THSD7A: variants seen among roughly 807,000 people sequenced by gnomAD.
THSD7A encodes thrombospondin type-1 domain-containing protein 7A.
Under a neutral mutation model 231.3 loss-of-function variants are expected in THSD7A, and 96 were observed. The observed-to-expected ratio is 0.41, with a 90% CI of 0.35 to 0.49. The LOEUF is 0.49. Among genes scored for constraint, THSD7A ranks in the 20% least tolerant of loss-of-function variants. The pLI is 0.05. For synonymous variants in THSD7A, 940 were observed against 743.3 expected (o/e 1.26, Z -4.30); for missense variants, 2,290 against 2,070.2 (o/e 1.11, Z -2.06).
chr7:11,567,635 C>CATCTG (rs1488554452), intron 4 of THSD7A, among the ~76,000 whole-genome samples: 1 of 152,186 alleles, frequency 6.6e-6, no homozygotes, highest in African/African-American at 2.4e-5. Context: ...CTCACCCTGA[C>CATCTG]ATCTGATTTA....
intron 6 of THSD7A, among the ~76,000 whole-genome samples, chr7:11,525,381 T>C (rs10276945): frequency 0.26 from 39,616 of 151,990 alleles, 6,430 homozygotes; most frequent in African/African-American, 0.46. Context: ...AGATCAGTTT[T>C]TTAAATTAAG....
At chr7:11,570,020 A>T (rs983091418) in intron 4 of THSD7A, among the ~76,000 whole-genome samples, 1 of 152,040 alleles carries the variant, frequency 6.6e-6, no homozygotes, top group Non-Finnish European at 1.5e-5. Context: ...AAAAGTACAA[A>T]AATTAACTAG....
chr7:11,545,281 C>T (rs192247039), intron 4 of THSD7A, among the ~76,000 whole-genome samples: 2 of 151,916 alleles, frequency 1.3e-5, no homozygotes, highest in East Asian at 3.9e-4. Context: ...AATCTTGGTG[C>T]TACTATATTG....
chr7:11,675,680 G>A (rs529138840), intron 1 of THSD7A, among the ~76,000 whole-genome samples: 31 of 152,152 alleles, frequency 2.0e-4, no homozygotes, highest in Non-Finnish European at 3.8e-4. Context: ...CCACCTCAGC[G>A]CTGCAAAGCC....
intron 2 of THSD7A, among the ~76,000 whole-genome samples, chr7:11,626,566 G>C (rs1781478846): frequency 6.6e-6 from 1 of 152,100 alleles, no homozygotes; most frequent in Non-Finnish European, 1.5e-5. Flanking sequence ...GAATTTGTTA[G>C]AAGTTTACAG....
intron 1 of THSD7A, among the ~76,000 whole-genome samples, chr7:11,726,989 T>G (rs1415899245): frequency 6.6e-6 from 1 of 151,910 alleles, no homozygotes; most frequent in Non-Finnish European, 1.5e-5. Flanking sequence ...AAGAGCGACG[T>G]GATACATGCA....
At chr7:11,485,111 G>C (rs530619917) in intron 6 of THSD7A, among the ~76,000 whole-genome samples, 1 of 151,400 alleles carries the variant, frequency 6.6e-6, no homozygotes, top group Non-Finnish European at 1.5e-5. Context: ...GGCTGGTCTC[G>C]AACTCCTGAC....
chr7:11,593,473 G>C lies in THSD7A; in HGVS notation c.1052C>G (p.Thr351Ser), dbSNP rs377406956. Residue 351 changes from threonine (T) to serine (S), a missense_variant, in exon 3 of 28, where the codon ACC (threonine) becomes AGC (serine). Physicochemically the swap from Thr to Ser is moderately conservative, Grantham distance 58. Coordinates refer to ENST00000423059, the MANE Select transcript of THSD7A (RefSeq NM_015204.3). ...TTTGGTGATCACACAGGACTGGAAG[G>C]TCATTGGAAGCTTCTCTTGCTGGCA... is the stretch of plus-strand genomic sequence containing the variant. ...SFCQQEKLPM[T>S]FQSCVITKEC... 6.8e-6 allele frequency: 11 copies of C among 1,613,900 alleles called. 1 individual carries two copies. The highest frequency in any genetic ancestry group is 1.7e-5 in the Admixed American group (1 of 60,032).
At chr7:11,594,636 C>G (rs1256607000) in intron 2 of THSD7A, among the ~76,000 whole-genome samples, 2 of 152,080 alleles carry the variant, frequency 1.3e-5, no homozygotes, top group Non-Finnish European at 2.9e-5. Flanking sequence ...TGAAGCTAGT[C>G]CATTGCTCCT....
chr7:11,600,269 A>G (rs1166448933), intron 2 of THSD7A, among the ~76,000 whole-genome samples: 1 of 152,180 alleles, frequency 6.6e-6, no homozygotes, highest in African/African-American at 2.4e-5. Context: ...ATTATAATGT[A>G]TGCTTATTCA....
intron 1 of THSD7A, among the ~76,000 whole-genome samples, chr7:11,811,120 A>G (rs1393461455): frequency 1.3e-5 from 2 of 152,198 alleles, no homozygotes; most frequent in African/African-American, 4.8e-5. Context: ...TTAGTTTACA[A>G]TATTTTAAAA....
chr7:11,560,480 C>T (rs1359641432), intron 4 of THSD7A, among the ~76,000 whole-genome samples: 2 of 152,022 alleles, frequency 1.3e-5, no homozygotes. Flanking sequence ...CTGTGAGAGC[C>T]CTGAAATATC....
At chr7:11,670,553 T>A (rs1783343054) in intron 1 of THSD7A, among the ~76,000 whole-genome samples, 1 of 152,198 alleles carries the variant, frequency 6.6e-6, no homozygotes, top group African/African-American at 2.4e-5. Flanking sequence ...AATAAGTTGA[T>A]ATTTCACTCT....
At chr7:11,672,408 C>T (rs1342197164) in intron 1 of THSD7A, among the ~76,000 whole-genome samples, 3 of 151,778 alleles carry the variant, frequency 2.0e-5, no homozygotes, top group Non-Finnish European at 4.4e-5. Flanking sequence ...TAAATTATAC[C>T]TTTCACTCTA....
chr7:11,399,682 G>A (rs1783324593), intron 23 of THSD7A, among the ~76,000 whole-genome samples: 4 of 152,158 alleles, frequency 2.6e-5, no homozygotes, highest in African/African-American at 9.7e-5. Context: ...AGAGGATCTG[G>A]AGAAATAGGA....
chr7:11,719,436 A>T (rs1001328602), intron 1 of THSD7A, among the ~76,000 whole-genome samples: 3 of 151,460 alleles, frequency 2.0e-5, no homozygotes, highest in African/African-American at 7.3e-5. Flanking sequence ...TTATATTTGG[A>T]TTTTGTTTGT....
At chr7:11,409,812 G>A (rs2115378936) in intron 19 of THSD7A, among the ~76,000 whole-genome samples, 1 of 152,030 alleles carries the variant, frequency 6.6e-6, no homozygotes, top group Admixed American at 6.5e-5. Context: ...GTGTGATCTT[G>A]ACTCATGGCA....
chr7:11,683,775 G>C (rs1783962435), intron 1 of THSD7A, among the ~76,000 whole-genome samples: 1 of 151,924 alleles, frequency 6.6e-6, no homozygotes, highest in South Asian at 2.1e-4. Flanking sequence ...TGAATTCATA[G>C]GCAAATTCTA....
chr7:11,478,174 C>T (rs1786273572), intron 7 of THSD7A, among the ~76,000 whole-genome samples: 1 of 152,194 alleles, frequency 6.6e-6, no homozygotes, highest in South Asian at 2.1e-4. Flanking sequence ...AAGATATCTT[C>T]ATTACTCTGC....
Sources: allele counts gnomAD v4.1 joint callset (sites outside exome capture counted in the v4.1 genomes callset), GRCh38; gene constraint gnomAD v4.1.1; transcripts MANE v1.5; gene names NCBI Gene and HGNC (gene_info 2026-07-23, HGNC 2026-07-21).